The following RBM28 variants were observed in gnomAD, a reference collection of about 807,000 sequenced individuals.
The protein encoded by RBM28 is RNA binding motif protein 28.
A neutral mutation model predicts 98.3 loss-of-function variants in RBM28; 78 were observed. The ratio of observed to expected loss-of-function variants is 0.79; its 90% CI spans 0.66 to 0.96. RBM28 has a LOEUF of 0.96. Ranked by LOEUF, RBM28 falls within the 40% of genes least tolerant of loss-of-function variation. RBM28 has a pLI of 0.00. For synonymous variants in RBM28, 306 were observed against 330.9 expected, an observed-to-expected ratio of 0.92 and a Z score of 0.82; for missense variants, 838 against 913.0, an observed-to-expected ratio of 0.92 and a Z score of 1.06.
chr7:128,310,733 G>A lies in RBM28; in HGVS notation c.*64C>T. 1 of 1,597,664 alleles carries A rather than the reference G, an allele frequency of 6.3e-7. No homozygotes were observed. The highest frequency in any genetic ancestry group is 8.6e-7 in the Non-Finnish European group (1 of 1,169,502). On this transcript the variant is annotated 3_prime_UTR_variant, in exon 19 of 19. Transcript: ENST00000223073. Reference sequence around the variant, plus strand: ...CTCAGTGAGAGACACGGGGGATGGGGAGGAGCCCAGGAGTGTCACCAGAAA... The same window carrying A: ...CTCAGTGAGAGACACGGGGGATGGGAAGGAGCCCAGGAGTGTCACCAGAAA...
chr7:128,323,358 A>C (rs1395949002), intron 13 of RBM28, among the ~76,000 whole-genome samples, 169 bp downstream of exon 13: 1 of 152,238 alleles, frequency 6.6e-6, no homozygotes, highest in Non-Finnish European at 1.5e-5. Context: ...ACTATGTATG[A>C]TGTTGGGTTA....
chr7:128,322,870 CCT>C (rs1479974034), intron 13 of RBM28, among the ~76,000 whole-genome samples: 3 of 152,086 alleles, frequency 2.0e-5, no homozygotes, highest in Middle Eastern at 6.3e-3. Flanking sequence ...CACTCTCACC[CCT>C]GTTCCTCATC....
rs1273650510 is a variant in RBM28, at chr7:128,333,335, CTCT to C, written c.971_973del (p.Lys324del). On this transcript the variant is annotated inframe_deletion, in exon 9 of 19. Transcript: ENST00000223073. ...TTCATTCACATCAGAGGGTAATTTCCTCTTCTTTTTGTTTGAGACTTGCACAGC... is the reference window on the plus strand; with the variant it reads ...TTCATTCACATCAGAGGGTAATTTCCTCTTTTTGTTTGAGACTTGCACAGC... 13 of 1,605,114 alleles carry C rather than the reference CTCT, an allele frequency of 8.1e-6. No individual in the cohort carries two copies. The Admixed American group carries it at 1.0e-4, about 12-fold the overall frequency.
intron 5 of RBM28, 67 bp downstream of exon 5, chr7:128,338,183 G>C: frequency 8.5e-7 from 1 of 1,172,638 alleles, no homozygotes; most frequent in Non-Finnish European, 1.3e-6. Context: ...CAGAAAGTGG[G>C]TTACTACACT....
intron 1 of RBM28, among the ~76,000 whole-genome samples, chr7:128,340,385 A>G (rs1796698295): frequency 6.6e-6 from 1 of 152,142 alleles, no homozygotes; most frequent in Non-Finnish European, 1.5e-5. Flanking sequence ...GACCTGAGCA[A>G]GCACATTAGC....
chr7:128,329,570 T>C (rs542410165), intron 10 of RBM28, among the ~76,000 whole-genome samples: 1 of 152,336 alleles, frequency 6.6e-6, no homozygotes, highest in South Asian at 2.1e-4. Context: ...CAGCTTTTGC[T>C]AGATCTCAAA....
chr7:128,330,556 G>A lies in RBM28; in HGVS notation c.1129+263C>T, dbSNP rs982695346. 2.0e-5 allele frequency among the ~76,000 whole-genome samples: 3 copies of A among 151,928 alleles called. No homozygotes were observed. In the East Asian group the frequency reaches 5.8e-4, roughly 29 times the overall value. On this transcript the variant is annotated intron_variant, in intron 10 of 18. Coordinates refer to ENST00000223073, the MANE Select transcript of RBM28 (RefSeq NM_018077.3). ...GCTGCTAATTTTTTGTATTTTAGTA[G>A]AGACGGGGTTTCACCGTGTTGCCCA... is the stretch of plus-strand genomic sequence containing the variant.
chr7:128,320,248 GA>G (rs1466357360), intron 14 of RBM28, among the ~76,000 whole-genome samples: 693 of 53,816 alleles, frequency 0.013, 7 homozygotes, highest in South Asian at 0.035. Context: ...AAGAAAGAAA[GA>G]AATTAGCCAG....
chr7:128,325,052 C>T lies in RBM28; in HGVS notation c.1204-358G>A, dbSNP rs1313590086. Among the ~76,000 whole-genome samples the T allele has an allele frequency of 4.6e-5, 7 of 152,076 alleles. No homozygotes were observed. The East Asian group carries it at 1.2e-3, about 25-fold the overall frequency. On this transcript the variant is annotated intron_variant, in intron 11 of 18. Transcript: ENST00000223073. ...ATAAAAAAATAACAAAACAAAACAACACATAATGAGTAGAAACTAGAAACT... is the reference window on the plus strand; with the variant it reads ...ATAAAAAAATAACAAAACAAAACAATACATAATGAGTAGAAACTAGAAACT...
intron 17 of RBM28, among the ~76,000 whole-genome samples, chr7:128,314,056 G>A (rs559411880): frequency 4.0e-5 from 6 of 151,876 alleles, no homozygotes; most frequent in Non-Finnish European, 5.9e-5. Context: ...TCCGCCTCCC[G>A]GGTTCACGCC....
rs1420008201 is a variant in RBM28 at position 128,318,035 on chromosome 7, C to T, written c.1635G>A (p.Ala545=). 28 of 1,613,976 alleles carry T rather than the reference C, an allele frequency of 1.7e-5. No homozygotes were observed. Among genetic ancestry groups the T allele is most frequent in the South Asian group, 5.5e-5 (5 of 91,086 alleles). Residue 545 remains alanine, a synonymous_variant, in exon 15 of 19, where the codon GCG becomes GCA. Coordinates refer to ENST00000223073, the MANE Select transcript of RBM28 (RefSeq NM_018077.3). ...MKGQSLGYAF[A]EFQEHEHALK... Reference sequence around the variant, plus strand: ...GGGCATGCTCGTGCTCTTGGAACTCCGCAAAGGCGTAGCCCAGGGACTGAC... The same window carrying T: ...GGGCATGCTCGTGCTCTTGGAACTCTGCAAAGGCGTAGCCCAGGGACTGAC...
chr7:128,324,726 C>T, intron 11 of RBM28, 32 bp from the exon 12 acceptor site: 1 of 1,613,874 alleles, frequency 6.2e-7, no homozygotes, highest in South Asian at 1.1e-5. Flanking sequence ...TCTTAAAACA[C>T]ATAATGGCCG....
intron 10 of RBM28, among the ~76,000 whole-genome samples, chr7:128,328,748 A>G (rs1265852169): frequency 6.6e-6 from 1 of 152,232 alleles, no homozygotes; most frequent in African/African-American, 2.4e-5. Context: ...AACATTTTAG[A>G]AATGGAAAAG....
At position 128,343,799 on chromosome 7, in the gene RBM28, C is replaced by T. The variant is rs753677419; in HGVS notation, c.-6G>A. ...AATAAGGTCAGGCCGGCCATGAGACCGGGAAACCCAAAGCGCGTGAGGACG... is the reference window on the plus strand; with the variant it reads ...AATAAGGTCAGGCCGGCCATGAGACTGGGAAACCCAAAGCGCGTGAGGACG... On this transcript the variant is annotated 5_prime_UTR_variant, in exon 1 of 19. Transcript: ENST00000223073. 18 of 1,584,968 alleles carry T rather than the reference C, an allele frequency of 1.1e-5. No homozygotes were observed. Among genetic ancestry groups the T allele is most frequent in the Admixed American group, 1.8e-5 (1 of 55,676 alleles).
rs1321146339 is a variant in RBM28, at chr7:128,318,086, G to A, written c.1584C>T (p.Leu528=). The A allele has an allele frequency of 6.2e-7, 1 of 1,613,224 alleles. No homozygotes were observed. The highest frequency in any genetic ancestry group is 8.5e-7 in the Non-Finnish European group (1 of 1,179,164). The change falls in exon 15 of 19, where the codon CTC becomes CTT. Residue 528 remains leucine, a synonymous_variant. Transcript: ENST00000223073. ...RIKECRVMRD[L]KGVHGNMKGQ... ...CCTTCATGTTCCCATGAACTCCTTTGAGGTCTCGCATCACTCTACACTATG... is the reference window on the plus strand; with the variant it reads ...CCTTCATGTTCCCATGAACTCCTTTAAGGTCTCGCATCACTCTACACTATG...
intron 9 of RBM28, among the ~76,000 whole-genome samples, chr7:128,331,841 A>G (rs1562956565): frequency 1.3e-5 from 2 of 152,194 alleles, no homozygotes; most frequent in Admixed American, 6.5e-5. Context: ...CTGTAATTTT[A>G]CTTCTCTTAT....
At chr7:128,318,345 T>G (rs1471203790) in intron 14 of RBM28, among the ~76,000 whole-genome samples, 1 of 151,754 alleles carries the variant, frequency 6.6e-6, no homozygotes, top group African/African-American at 2.4e-5. Context: ...AATTAGCCAG[T>G]GTGGTGGCAC....
rs1554399176 is a variant in RBM28 at position 128,308,988 on chromosome 7, A to AAAAAAG, written c.*1808_*1809insCTTTTT. On this transcript the variant is annotated 3_prime_UTR_variant, in exon 19 of 19. Coordinates refer to ENST00000223073, the MANE Select transcript of RBM28 (RefSeq NM_018077.3). ...CAAGACTGTCTCAAAAAAAAAAAAA[A>AAAAAAG]AAAAGAAATAACCATATCTCTAGCT... is the stretch of plus-strand genomic sequence containing the variant. 6.6e-6 allele frequency: 1 copy of AAAAAAG among 152,080 alleles called. No homozygotes were observed. Among genetic ancestry groups the AAAAAAG allele is most frequent in the Non-Finnish European group, 1.5e-5 (1 of 68,372 alleles). The allele number at this position is 152,080 out of a possible 1,614,324, so 9.4% of individuals were successfully genotyped here.
intron 16 of RBM28, among the ~76,000 whole-genome samples, chr7:128,317,152 A>G (rs916295208): frequency 9.2e-5 from 14 of 152,236 alleles, no homozygotes; most frequent in Non-Finnish European, 8.8e-5. Flanking sequence ...ACTGAAGTTC[A>G]GAGCGGTAAT....
Sources: gnomAD v4.1 joint callset for allele counts (sites outside exome capture counted in the v4.1 genomes callset) on GRCh38, gnomAD v4.1.1 for gene constraint, MANE v1.5 for transcripts, NCBI Gene and HGNC (gene_info 2026-07-23, HGNC 2026-07-21) for gene names.